Variants in VPS35L observed in about 807,000 individuals in gnomAD.
VPS35L encodes the protein VPS35 endosomal protein sorting factor like.
A neutral mutation model predicts 133.0 loss-of-function variants in VPS35L; 83 were observed. The ratio of observed to expected loss-of-function variants is 0.62; its 90% CI spans 0.52 to 0.75. The LOEUF (loss-of-function observed/expected upper bound fraction) is 0.75, where lower values mean the gene tolerates loss of function less well. VPS35L is among the 30% of genes least tolerant of loss of function. VPS35L has a pLI of 0.00. For synonymous variants in VPS35L, 423 were observed against 449.9 expected (o/e 0.94, Z 0.76); for missense variants, 1,083 against 1,206.8 (o/e 0.90, Z 1.52).
chr16:19,594,132 A>C (rs980398438), intron 8 of VPS35L, among the ~76,000 whole-genome samples: 1 of 152,108 alleles, frequency 6.6e-6, no homozygotes, highest in African/African-American at 2.4e-5. Flanking sequence ...CAGTTGTGTT[A>C]TCTGGGGGAT....
rs73531903 is a variant in VPS35L, at chr16:19,568,258, C to T, written c.118-1166C>T. On this transcript the variant is annotated intron_variant, in intron 2 of 30. Transcript: ENST00000417362. ...GCTTTCATGTCCCCTCCAGGTACCT[C>T]GATGTGTTCTTGTTCACCTACCTGG... 5.8e-3 allele frequency among the ~76,000 whole-genome samples: 878 copies of T among 151,556 alleles called. 10 individuals are homozygous for T. The highest frequency in any genetic ancestry group is 0.02 in the African/African-American group (813 of 41,284).
chr16:19,620,677 G>A (rs779561610), intron 14 of VPS35L, among the ~76,000 whole-genome samples: 13 of 152,074 alleles, frequency 8.5e-5, no homozygotes, highest in East Asian at 1.9e-4. Flanking sequence ...TAGGCCAGGC[G>A]TGGTGGCACA....
In VPS35L at chr16:19,570,889, A is replaced by ATTTTTTTTTTTTTTT. The variant is rs1489865417; in HGVS notation, c.285+1303_285+1304insTTTTTTTTTTTTTTT. Among the ~76,000 whole-genome samples the ATTTTTTTTTTTTTTT allele has an allele frequency of 1.1e-4, 10 of 91,834 alleles. 1 individual carries two copies. Among genetic ancestry groups the ATTTTTTTTTTTTTTT allele is most frequent in the African/African-American group, 4.7e-4 (10 of 21,368 alleles). 60.2% of individuals were successfully genotyped at this position (91,834 alleles called of 152,430 possible). A position where few individuals can be genotyped will look rare whatever the true frequency, so the allele number is the denominator to read the frequency against. ...TATATATATATATATATATATATAT[A>ATTTTTTTTTTTTTTT]TTTTTGAGATGAAGTCTCACACTGT... On this transcript the variant is annotated intron_variant, in intron 3 of 30. Coordinates refer to ENST00000417362, the MANE Select transcript of VPS35L (RefSeq NM_020314.7).
intron 1 of VPS35L, among the ~76,000 whole-genome samples, chr16:19,560,909 A>C (rs1971008519): frequency 6.6e-6 from 1 of 152,020 alleles, no homozygotes; most frequent in East Asian, 1.9e-4. Context: ...TTTTTAAATA[A>C]ATCGAGGATT....
At chr16:19,642,237 A>G (rs1182673460) in intron 21 of VPS35L, among the ~76,000 whole-genome samples, 159 bp from the exon 22 acceptor site, 1 of 152,140 alleles carries the variant, frequency 6.6e-6, no homozygotes, top group African/African-American at 2.4e-5. Context: ...TTCTGAGACA[A>G]CCAGAGAACA....
At chr16:19,691,561 A>C in intron 29 of VPS35L, 90 bp downstream of exon 29, 1 of 985,878 alleles carries the variant, frequency 1.0e-6, no homozygotes, top group Non-Finnish European at 1.6e-6. Context: ...CTAGAAAGGA[A>C]ACTATGTCAT....
chr16:19,603,193 C>G (rs957080418), intron 9 of VPS35L, among the ~76,000 whole-genome samples: 4 of 152,168 alleles, frequency 2.6e-5, no homozygotes, highest in Non-Finnish European at 4.4e-5. Flanking sequence ...CATCTTGTTT[C>G]ATCAGAGATG....
chr16:19,577,538 G>A (rs1257039974), intron 5 of VPS35L, among the ~76,000 whole-genome samples: 1 of 152,168 alleles, frequency 6.6e-6, no homozygotes, highest in Non-Finnish European at 1.5e-5. Flanking sequence ...CTGCTGGTGG[G>A]AATGTAAAAT....
At chr16:19,661,580 G>A (rs1488491763) in intron 26 of VPS35L, among the ~76,000 whole-genome samples, 1 of 152,128 alleles carries the variant, frequency 6.6e-6, no homozygotes, top group Non-Finnish European at 1.5e-5. Flanking sequence ...GCTTTTTAAA[G>A]CCTTGAGAAG....
At chr16:19,642,307 C>T (rs1471748328) in intron 21 of VPS35L, 89 bp from the exon 22 acceptor site, 1 of 1,088,344 alleles carries the variant, frequency 9.2e-7, no homozygotes, top group East Asian at 2.4e-5. Flanking sequence ...TGCTGCTTTT[C>T]AAGTGTGTAC....
At chr16:19,693,957 A>AG (rs1975804848) in intron 29 of VPS35L, 1 of 112,478 alleles carries the variant, frequency 8.9e-6, no homozygotes, top group African/African-American at 5.7e-5. Context: ...TCCAAAAAAA[A>AG]AGAAAAAAAA....
chr16:19,682,887 A>G (rs1975337021), intron 28 of VPS35L, among the ~76,000 whole-genome samples: 1 of 151,922 alleles, frequency 6.6e-6, no homozygotes, highest in Non-Finnish European at 1.5e-5. Context: ...AAGAGTACAG[A>G]TTCTTCAGCC....
chr16:19,623,091 TC>T (rs1481302561), intron 14 of VPS35L, among the ~76,000 whole-genome samples: 1 of 151,884 alleles, frequency 6.6e-6, no homozygotes, highest in African/African-American at 2.4e-5. Context: ...TTTCTCCAAA[TC>T]CCCCCGAAGA....
At chr16:19,648,714 C>A (rs568232913) in intron 24 of VPS35L, among the ~76,000 whole-genome samples, 1 of 151,684 alleles carries the variant, frequency 6.6e-6, no homozygotes, top group African/African-American at 2.4e-5. Flanking sequence ...CTAAAAATAC[C>A]AAAGTTAGTC....
In VPS35L at chr16:19,569,566, A is replaced by G. The variant is rs1428854996; in HGVS notation, c.260A>G (p.Asp87Gly). 1.3e-6 allele frequency: 2 copies of G among 1,568,364 alleles called. No individual in the cohort carries two copies. Among genetic ancestry groups the G allele is most frequent in the Non-Finnish European group, 1.7e-6 (2 of 1,158,644 alleles). The change falls in exon 3 of 31, where the codon GAC becomes GGC. Residue 87 changes from aspartate to glycine, a missense_variant. Coordinates refer to ENST00000417362, the MANE Select transcript of VPS35L (RefSeq NM_020314.7). ...CTCTCCATGTTTGCAGCCACTGCTG[A>G]CCCCGCAGCCTTGGCAGCTGCCATG... Reference protein sequence around the residue: ...DPLSMFAATADPAALAAAMDS... With the variant: ...DPLSMFAATAGPAALAAAMDS...
intron 29 of VPS35L, among the ~76,000 whole-genome samples, chr16:19,698,712 ATGT>A (rs1215991420): frequency 6.6e-6 from 1 of 152,104 alleles, no homozygotes; most frequent in African/African-American, 2.4e-5. Flanking sequence ...GGCAGCACTG[ATGT>A]TGTGCAGATG....
intron 2 of VPS35L, among the ~76,000 whole-genome samples, chr16:19,565,752 C>G (rs1971169860): frequency 6.6e-6 from 1 of 152,168 alleles, no homozygotes; most frequent in Non-Finnish European, 1.5e-5. Flanking sequence ...TAGTGAGGTT[C>G]CCTTGTGAAT....
intron 28 of VPS35L, among the ~76,000 whole-genome samples, chr16:19,682,795 G>A (rs991321407): frequency 6.6e-6 from 1 of 152,206 alleles, no homozygotes; most frequent in Non-Finnish European, 1.5e-5. Context: ...CTGGGAGGCA[G>A]AGGTTACAGT....
At chr16:19,557,816 C>T (rs985133779) in intron 1 of VPS35L, among the ~76,000 whole-genome samples, 4 of 151,830 alleles carry the variant, frequency 2.6e-5, no homozygotes, top group Admixed American at 6.6e-5. Flanking sequence ...TTTGGGAGGC[C>T]GAGGCAGGCG....
Sources: gnomAD v4.1 joint callset for allele counts (sites outside exome capture counted in the v4.1 genomes callset) on GRCh38, gnomAD v4.1.1 for gene constraint, MANE v1.5 for transcripts, NCBI Gene and HGNC (gene_info 2026-07-23, HGNC 2026-07-21) for gene names.